Variants in CNTNAP5 observed in about 807,000 individuals in gnomAD.
CNTNAP5 encodes contactin-associated protein-like 5.
A neutral mutation model predicts 150.2 loss-of-function variants in CNTNAP5; 72 were observed. The observed-to-expected ratio is 0.48, with a 90% CI of 0.40 to 0.58. The LOEUF (loss-of-function observed/expected upper bound fraction) is 0.58, where lower values mean the gene tolerates loss of function less well. Ranked by LOEUF, CNTNAP5 falls within the 20% of genes least tolerant of loss-of-function variation. The pLI is 0.00. For missense variants in CNTNAP5, 1,636 were observed against 1,626.2 expected (o/e 1.01, Z -0.10); for synonymous variants, 672 against 619.8 (o/e 1.08, Z -1.25).
chr2:124,162,009 G>T (rs1232413579), intron 1 of CNTNAP5, among the ~76,000 whole-genome samples: 1 of 152,166 alleles, frequency 6.6e-6, no homozygotes, highest in East Asian at 1.9e-4. Flanking sequence ...GGTAGCAGAT[G>T]CACACCATAT....
intron 19 of CNTNAP5, among the ~76,000 whole-genome samples, chr2:124,826,175 A>G (rs1031405924): frequency 2.0e-5 from 3 of 152,184 alleles, no homozygotes; most frequent in Non-Finnish European, 2.9e-5. Flanking sequence ...TATCAAAAGA[A>G]GTACCTTAGT....
intron 1 of CNTNAP5, among the ~76,000 whole-genome samples, chr2:124,043,065 G>C (rs557321756): frequency 1.3e-5 from 2 of 152,152 alleles, no homozygotes; most frequent in South Asian, 4.2e-4. Context: ...TCTTTAATTT[G>C]TCTTTTCAAT....
chr2:124,188,591 C>T (rs915977118), intron 1 of CNTNAP5, among the ~76,000 whole-genome samples: 34 of 151,326 alleles, frequency 2.2e-4, no homozygotes, highest in Non-Finnish European at 2.7e-4. Flanking sequence ...TGGTGGCGGG[C>T]GCCTGTAGTC....
rs1432246980 is a variant in CNTNAP5, at chr2:124,673,596, G to C, written c.2077+25638G>C. ...TTGTACATAATAAATTATCTACCAG[G>C]ACAATAAAAGTGGCATCCTTTTATT... On this transcript the variant is annotated intron_variant, in intron 13 of 23. Coordinates refer to ENST00000682447, the MANE Select transcript of CNTNAP5 (RefSeq NM_001367498.1). Among the ~76,000 whole-genome samples, 3 of 151,846 alleles carry C rather than the reference G, an allele frequency of 2.0e-5. No individual in the cohort carries two copies. In the East Asian group the frequency reaches 5.8e-4, roughly 30 times the overall value.
chr2:124,636,454 T>G (rs1049497827), intron 12 of CNTNAP5, among the ~76,000 whole-genome samples: 4 of 152,168 alleles, frequency 2.6e-5, no homozygotes, highest in African/African-American at 9.7e-5. Context: ...GTAACTTTTT[T>G]TGTGTGCATA....
At chr2:124,431,154 C>T (rs548514292) in intron 4 of CNTNAP5, among the ~76,000 whole-genome samples, 15 of 152,216 alleles carry the variant, frequency 9.9e-5, no homozygotes, top group African/African-American at 2.9e-4. Context: ...GGTCTCATGA[C>T]AACGTGGAGA....
intron 13 of CNTNAP5, among the ~76,000 whole-genome samples, chr2:124,724,937 T>TTTG (rs1680125194): frequency 6.6e-6 from 1 of 150,712 alleles, no homozygotes; most frequent in Non-Finnish European, 1.5e-5. Flanking sequence ...TTTTTTTTTT[T>TTTG]TTTTTTTAAA....
intron 21 of CNTNAP5, among the ~76,000 whole-genome samples, chr2:124,883,877 T>G (rs560573265): frequency 6.6e-6 from 1 of 152,160 alleles, no homozygotes; most frequent in African/African-American, 2.4e-5. Flanking sequence ...GTTGTGTATA[T>G]ACATATGTCT....
In CNTNAP5 at chr2:124,079,279, G is replaced by A. The variant is rs535080756; in HGVS notation, c.82+53547G>A. ...TGGCAGAAACAGCCTTCAAACTCTG[G>A]TTTTCTGGCTCCAACCCCCATGTTC... is the stretch of plus-strand genomic sequence containing the variant. On this transcript the variant is annotated intron_variant, in intron 1 of 23. Transcript: ENST00000682447. 1.3e-4 allele frequency among the ~76,000 whole-genome samples: 20 copies of A among 152,268 alleles called. No homozygotes were observed. The South Asian group carries it at 4.1e-3, about 32-fold the overall frequency.
intron 1 of CNTNAP5, among the ~76,000 whole-genome samples, chr2:124,076,618 A>G (rs1481277922): frequency 1.3e-5 from 2 of 152,122 alleles, no homozygotes; most frequent in African/African-American, 2.4e-5. Flanking sequence ...GGAGGACTAT[A>G]TGACACCCCT....
At chr2:124,827,904 G>A (rs771856830) in intron 19 of CNTNAP5, among the ~76,000 whole-genome samples, 2 of 152,036 alleles carry the variant, frequency 1.3e-5, no homozygotes, top group Admixed American at 6.6e-5. Context: ...AAGGCTCTTC[G>A]TATCCTAGAA....
chr2:124,418,645 A>C (rs1421220617), intron 4 of CNTNAP5, among the ~76,000 whole-genome samples: 1 of 152,202 alleles, frequency 6.6e-6, no homozygotes, highest in Non-Finnish European at 1.5e-5. Context: ...AAGCACTTTC[A>C]GAAAGAATAT....
At chr2:124,089,105 CACT>C (rs1682761529) in intron 1 of CNTNAP5, among the ~76,000 whole-genome samples, 1 of 152,094 alleles carries the variant, frequency 6.6e-6, no homozygotes, top group African/African-American at 2.4e-5. Flanking sequence ...AGGCATGCAC[CACT>C]GTGTCCTTTC....
intron 1 of CNTNAP5, among the ~76,000 whole-genome samples, chr2:124,107,135 T>C (rs1279345354): frequency 6.6e-6 from 1 of 152,148 alleles, no homozygotes; most frequent in African/African-American, 2.4e-5. Flanking sequence ...GCTGGTGCTG[T>C]TGTGCAGTGA....
intron 1 of CNTNAP5, among the ~76,000 whole-genome samples, chr2:124,054,023 G>A (rs1162915013): frequency 6.6e-6 from 1 of 152,160 alleles, no homozygotes; most frequent in Non-Finnish European, 1.5e-5. Context: ...ATGATTTACT[G>A]GAACAAAGTG....
At chr2:124,674,542 TCTTTCTTTCTTC>T (rs1268056952) in intron 13 of CNTNAP5, among the ~76,000 whole-genome samples, 1 of 144,430 alleles carries the variant, frequency 6.9e-6, no homozygotes, top group East Asian at 2.0e-4. Flanking sequence ...TTTCTTTCTT[TCTTTCTTTCTTC>T]CTTTCTTCCT....
At chr2:124,861,845 G>A (rs1392382944) in intron 19 of CNTNAP5, among the ~76,000 whole-genome samples, 3 of 151,974 alleles carry the variant, frequency 2.0e-5, no homozygotes, top group African/African-American at 7.2e-5. Context: ...ACAGAATCTT[G>A]CTCTATCGCC....
chr2:124,583,603 G>A (rs1696462798), intron 11 of CNTNAP5, among the ~76,000 whole-genome samples: 1 of 152,166 alleles, frequency 6.6e-6, no homozygotes, highest in African/African-American at 2.4e-5. Context: ...AAATTCCAAA[G>A]CATTTCCTTT....
chr2:124,178,954 ATTTT>A (rs1434912155), intron 1 of CNTNAP5, among the ~76,000 whole-genome samples: 1 of 108,602 alleles, frequency 9.2e-6, no homozygotes, highest in African/African-American at 3.3e-5. Flanking sequence ...TTATTTATTT[ATTTT>A]GTGTGTGTGT....
Sources: allele counts gnomAD v4.1 joint callset (sites outside exome capture counted in the v4.1 genomes callset), GRCh38; gene constraint gnomAD v4.1.1; transcripts MANE v1.5; gene names NCBI Gene and HGNC (gene_info 2026-07-23, HGNC 2026-07-21).